The following EPM2A variants were observed in gnomAD, a reference collection of about 807,000 sequenced individuals.
EPM2A encodes laforin.
EPM2A carries 21 observed loss-of-function variants against 26.5 expected under a neutral mutation model. That is an observed-to-expected ratio of 0.79 (90% confidence interval 0.56 to 1.14). The LOEUF (loss-of-function observed/expected upper bound fraction) is 1.14. Among genes scored for constraint, EPM2A ranks in the 50% most tolerant of loss-of-function variants. The pLI is 0.00. For missense variants in EPM2A, 458 were observed against 440.8 expected, an observed-to-expected ratio of 1.04 and a Z score of -0.35; for synonymous variants, 217 against 177.6, an observed-to-expected ratio of 1.22 and a Z score of -1.76.
intron 2 of EPM2A, among the ~76,000 whole-genome samples, chr6:145,558,301 T>C (rs762220559): frequency 1.8e-4 from 27 of 152,012 alleles, no homozygotes; most frequent in Non-Finnish European, 2.9e-4. Context: ...TTAAACTTCT[T>C]TTTCATTATA....
rs1413947749 is a variant in EPM2A, at chr6:145,666,856, A to G, written c.476+19266T>C. Among the ~76,000 whole-genome samples the G allele has an allele frequency of 3.6e-3, 514 of 144,134 alleles. 2 individuals carry two copies. The highest frequency in any genetic ancestry group is 0.014 in the African/African-American group (467 of 34,150). The allele number at this position is 144,134 out of a possible 152,430, so 94.6% of individuals were successfully genotyped here. A position where few individuals can be genotyped will look rare whatever the true frequency, so the allele number is the denominator to read the frequency against. On this transcript the variant is annotated intron_variant, in intron 2 of 3. Transcript: ENST00000367519. ...ACAGAAAAGAGCCCTCAGAAATAAC[A>G]CCGCATACCTACAACTATCTGATCT...
intron 4 of EPM2A, among the ~76,000 whole-genome samples, chr6:145,473,186 G>C (rs1319524747): frequency 6.6e-6 from 1 of 151,804 alleles, no homozygotes; most frequent in Non-Finnish European, 1.5e-5. Context: ...AATTCTATCA[G>C]ATAAATTTAA....
At chr6:145,735,674 C>T (rs1228981857), upstream of EPM2A, 5 of 1,073,488 alleles carry the variant, frequency 4.7e-6, no homozygotes, top group East Asian at 1.8e-4. Context: ...CGAGCCCAGA[C>T]TTCGTCCAGG....
intron 4 of EPM2A, among the ~76,000 whole-genome samples, chr6:145,394,743 C>T (rs752018220): frequency 5.2e-4 from 79 of 152,230 alleles, no homozygotes; most frequent in Non-Finnish European, 8.8e-4. Context: ...GGGTCTCTGT[C>T]GTGCCTTTTT....
intron 2 of EPM2A, among the ~76,000 whole-genome samples, chr6:145,524,486 G>A (rs531210541): frequency 2.0e-5 from 3 of 152,164 alleles, no homozygotes; most frequent in South Asian, 2.1e-4. Context: ...GTTTGAGATG[G>A]CATCTCATTA....
chr6:145,468,136 A>G (rs1041321250), intron 4 of EPM2A, among the ~76,000 whole-genome samples: 2 of 152,080 alleles, frequency 1.3e-5, no homozygotes, highest in African/African-American at 4.8e-5. Flanking sequence ...GAGAGTAGAT[A>G]CTATCATATT....
At chr6:145,438,255 A>G (rs1228811692) in intron 4 of EPM2A, among the ~76,000 whole-genome samples, 3 of 152,108 alleles carry the variant, frequency 2.0e-5, no homozygotes, top group Non-Finnish European at 4.4e-5. Context: ...ATAACAAAAG[A>G]AGCTGATTTG....
intron 2 of EPM2A, among the ~76,000 whole-genome samples, chr6:145,614,735 T>C (rs1054790855): frequency 5.3e-5 from 8 of 152,340 alleles, no homozygotes; most frequent in South Asian, 2.1e-4. Context: ...TGCTGTCTTA[T>C]ACAGGCACAG....
At chr6:145,513,299 A>T (rs1297355435) in intron 2 of EPM2A, among the ~76,000 whole-genome samples, 1 of 152,214 alleles carries the variant, frequency 6.6e-6, no homozygotes, top group Non-Finnish European at 1.5e-5. Flanking sequence ...ACCCATGAAA[A>T]AAATGTTCAA....
chr6:145,389,806 C>A (rs73785026), intron 4 of EPM2A, among the ~76,000 whole-genome samples: 2,851 of 152,230 alleles, frequency 0.019, 96 homozygotes, highest in African/African-American at 0.064. Context: ...CCTGGACCCT[C>A]CTCCCCAAGA....
chr6:145,449,760 G>C (rs1382404057), intron 4 of EPM2A, among the ~76,000 whole-genome samples: 1 of 152,040 alleles, frequency 6.6e-6, no homozygotes, highest in Non-Finnish European at 1.5e-5. Flanking sequence ...TCCTAACATA[G>C]TCAAACAACT....
intron 4 of EPM2A, among the ~76,000 whole-genome samples, chr6:145,487,419 C>T (rs142380031): frequency 0.014 from 2,076 of 152,274 alleles, 45 homozygotes; most frequent in African/African-American, 0.045. Context: ...AATCGCCACA[C>T]TGTCATCCAC....
chr6:145,662,757 G>C (rs1056159786), intron 2 of EPM2A, among the ~76,000 whole-genome samples: 1 of 152,162 alleles, frequency 6.6e-6, no homozygotes, highest in African/African-American at 2.4e-5. Flanking sequence ...GGAAAATGAG[G>C]AACCCGATCA....
intron 2 of EPM2A, among the ~76,000 whole-genome samples, chr6:145,556,198 A>G (rs1276917911): frequency 1.3e-5 from 2 of 152,184 alleles, no homozygotes; most frequent in Non-Finnish European, 1.5e-5. Flanking sequence ...AAAGCATGCC[A>G]AGATTCCCCA....
intron 2 of EPM2A, among the ~76,000 whole-genome samples, chr6:145,554,055 A>G (rs1182815021): frequency 6.6e-6 from 1 of 151,914 alleles, no homozygotes; most frequent in African/African-American, 2.4e-5. Context: ...GCACCTTACC[A>G]TAAATTTTTG....
At chr6:145,461,569 G>A (rs1779329472) in intron 4 of EPM2A, among the ~76,000 whole-genome samples, 1 of 152,120 alleles carries the variant, frequency 6.6e-6, no homozygotes, top group Non-Finnish European at 1.5e-5. Flanking sequence ...ACCATATGTT[G>A]TGTACGGTCT....
At chr6:145,604,815 C>T (rs1781460925) in intron 2 of EPM2A, among the ~76,000 whole-genome samples, 1 of 152,098 alleles carries the variant, frequency 6.6e-6, no homozygotes, top group African/African-American at 2.4e-5. Context: ...TCTTCTCACA[C>T]TGACATGCAG....
chr6:145,618,280 G>A (rs1775557653), intron 2 of EPM2A, among the ~76,000 whole-genome samples: 1 of 152,160 alleles, frequency 6.6e-6, no homozygotes, highest in Non-Finnish European at 1.5e-5. Flanking sequence ...AAACCCCAAG[G>A]ATACAAAAGA....
chr6:145,460,181 G>A (rs775489009), intron 4 of EPM2A, among the ~76,000 whole-genome samples: 8 of 152,144 alleles, frequency 5.3e-5, no homozygotes, highest in Non-Finnish European at 1.2e-4. Context: ...AGTTGATATG[G>A]TGTCTGAATT....
Sources: gnomAD v4.1 joint callset for allele counts (sites outside exome capture counted in the v4.1 genomes callset) on GRCh38, gnomAD v4.1.1 for gene constraint, MANE v1.5 for transcripts, NCBI Gene and HGNC (gene_info 2026-07-23, HGNC 2026-07-21) for gene names.